Variants in SNX18 observed in about 807,000 individuals in gnomAD.
SNX18 encodes sorting nexin-18.
Under a neutral mutation model 48.7 loss-of-function variants are expected in SNX18, and 35 were observed. That is an observed-to-expected ratio of 0.72 (90% confidence interval 0.55 to 0.95). The LOEUF (loss-of-function observed/expected upper bound fraction) is 0.95, where lower values mean the gene tolerates loss of function less well. Ranked by LOEUF, SNX18 falls within the 40% of genes least tolerant of loss-of-function variation. The pLI, the probability that SNX18 is intolerant of heterozygous loss-of-function variation, is 0.00. For synonymous variants in SNX18, 492 were observed against 384.7 expected, an observed-to-expected ratio of 1.28 and a Z score of -3.26; for missense variants, 824 against 871.0, an observed-to-expected ratio of 0.95 and a Z score of 0.68.
chr5:54,575,733 C>G, the SNX18 span, among the ~76,000 whole-genome samples: 4 of 152,096 alleles, frequency 2.6e-5, no homozygotes, highest in Non-Finnish European at 4.4e-5. Flanking sequence ...CCCCACCCCA[C>G]CATACCAGGA....
At chr5:54,584,212 G>A in the SNX18 span, among the ~76,000 whole-genome samples, 1 of 151,748 alleles carries the variant, frequency 6.6e-6, no homozygotes, top group Non-Finnish European at 1.5e-5. Context: ...CAGCACATCT[G>A]GTTAATTTTT....
chr5:54,589,638 C>T, the SNX18 span, among the ~76,000 whole-genome samples: 1 of 152,182 alleles, frequency 6.6e-6, no homozygotes, highest in East Asian at 1.9e-4. Context: ...TATGGGGGTG[C>T]CCAACAGGCC....
chr5:54,641,719 G>T, the SNX18 span, among the ~76,000 whole-genome samples: 1 of 152,128 alleles, frequency 6.6e-6, no homozygotes, highest in African/African-American at 2.4e-5. Context: ...GAGTCACATT[G>T]AGGAGGACGC....
chr5:54,526,385 G>A (rs1288631018), intron 1 of SNX18, among the ~76,000 whole-genome samples: 1 of 152,114 alleles, frequency 6.6e-6, no homozygotes, highest in Non-Finnish European at 1.5e-5. Context: ...TGGGATTACA[G>A]GTGTGAGCCA....
intron 1 of SNX18, among the ~76,000 whole-genome samples, chr5:54,527,658 C>T (rs771406407): frequency 3.3e-5 from 5 of 152,146 alleles, no homozygotes; most frequent in Non-Finnish European, 7.3e-5. Flanking sequence ...TGGAGTATCC[C>T]CCTTGGATTG....
chr5:54,597,601 CAACCACATGG>C, the SNX18 span, among the ~76,000 whole-genome samples: 1,349 of 152,298 alleles, frequency 8.9e-3, 10 homozygotes, highest in African/African-American at 0.03. Context: ...CAAAATCACA[CAACCACATGG>C]AACTTTAACA....
the SNX18 span, among the ~76,000 whole-genome samples, chr5:54,611,210 A>G: frequency 1.3e-5 from 2 of 152,158 alleles, no homozygotes; most frequent in Non-Finnish European, 2.9e-5. Context: ...CCTGAGAGAT[A>G]TATTTTAAAC....
the SNX18 span, among the ~76,000 whole-genome samples, chr5:54,560,999 A>G: frequency 3.9e-5 from 6 of 152,228 alleles, no homozygotes; most frequent in Non-Finnish European, 5.9e-5. Flanking sequence ...CTATATTTAC[A>G]TAGCTCTATG....
the SNX18 span, among the ~76,000 whole-genome samples, chr5:54,567,096 A>C: frequency 2.0e-5 from 3 of 152,162 alleles, no homozygotes; most frequent in Non-Finnish European, 4.4e-5. Context: ...CCTTGGGCTC[A>C]TCAAATTTGT....
the SNX18 span, among the ~76,000 whole-genome samples, chr5:54,594,340 T>C: frequency 2.6e-5 from 4 of 152,208 alleles, no homozygotes; most frequent in East Asian, 1.9e-4. Flanking sequence ...TGTGACCATA[T>C]GCATTTGTCA....
downstream of SNX18, among the ~76,000 whole-genome samples, chr5:54,548,099 C>T (rs150441449): frequency 2.0e-5 from 3 of 152,276 alleles, no homozygotes; most frequent in East Asian, 5.8e-4. Flanking sequence ...TTCCAGGGAT[C>T]ACAAGTCCTC....
At chr5:54,638,727 T>C in the SNX18 span, among the ~76,000 whole-genome samples, 69 of 152,316 alleles carry the variant, frequency 4.5e-4, no homozygotes, top group Middle Eastern at 6.8e-3. Context: ...TTACAAGATA[T>C]GTATTTTTAT....
intron 1 of SNX18, among the ~76,000 whole-genome samples, chr5:54,532,351 G>C (rs1762266672): frequency 7.4e-6 from 1 of 135,156 alleles, no homozygotes. Flanking sequence ...CAGTATGCGT[G>C]CACATGCCTC....
chr5:54,551,775 T>C, the SNX18 span, among the ~76,000 whole-genome samples: 2 of 152,108 alleles, frequency 1.3e-5, no homozygotes, highest in East Asian at 3.9e-4. Context: ...GATGTGGTGG[T>C]CTCCTGGAGG....
the SNX18 span, among the ~76,000 whole-genome samples, chr5:54,633,374 A>C: frequency 2.6e-5 from 4 of 152,182 alleles, no homozygotes; most frequent in African/African-American, 7.2e-5. Flanking sequence ...AAACATACTT[A>C]GATCCTGAGT....
the SNX18 span, among the ~76,000 whole-genome samples, chr5:54,630,339 G>T: frequency 2.0e-5 from 3 of 152,164 alleles, no homozygotes; most frequent in East Asian, 5.8e-4. Flanking sequence ...GTGTGTGTGC[G>T]TGTGCATGTG....
rs1333463999 is a variant in SNX18, at chr5:54,518,493, G to C, written c.541G>C (p.Gly181Arg). The C allele has an allele frequency of 1.3e-6, 2 of 1,570,826 alleles. No individual in the cohort carries two copies. The highest frequency in any genetic ancestry group is 1.7e-6 in the Non-Finnish European group (2 of 1,158,518). Residue 181 changes from glycine (G) to arginine (R), a missense_variant, in exon 1 of 2, where the codon GGC becomes CGC. This residue lies in a region of SNX18 where 377 missense variants were observed against 350.6 expected (regional missense o/e 1.08). Transcript: ENST00000381410. Reference protein sequence around the residue: ...LGSGAYPDLDGSSSAGVGAAG... With the variant: ...LGSGAYPDLDRSSSAGVGAAG... ...CAGCGGAGCATACCCGGACCTCGACGGCTCGTCTTCGGCGGGTGTGGGCGC... is the reference window on the plus strand; with the variant it reads ...CAGCGGAGCATACCCGGACCTCGACCGCTCGTCTTCGGCGGGTGTGGGCGC...
the SNX18 span, among the ~76,000 whole-genome samples, chr5:54,621,780 T>G: frequency 6.6e-6 from 1 of 152,186 alleles, no homozygotes; most frequent in Non-Finnish European, 1.5e-5. Context: ...ATGGGTGGGT[T>G]GAAGCCAGGA....
At chr5:54,585,986 C>T in the SNX18 span, among the ~76,000 whole-genome samples, 15 of 146,180 alleles carry the variant, frequency 1.0e-4, no homozygotes, top group East Asian at 2.0e-4. Flanking sequence ...GCCTGGGCGA[C>T]GGAGCGAGAC....
Sources: gnomAD v4.1 joint callset for allele counts (sites outside exome capture counted in the v4.1 genomes callset) on GRCh38, gnomAD v4.1.1 for gene constraint, gnomAD v4.1.1 regional missense constraint, MANE v1.5 for transcripts, NCBI Gene and HGNC (gene_info 2026-07-23, HGNC 2026-07-21) for gene names.